DOCK8: variants seen among roughly 807,000 people sequenced by gnomAD.
The protein encoded by DOCK8 is dedicator of cytokinesis protein 8.
DOCK8 carries 141 observed loss-of-function variants against 245.6 expected under a neutral mutation model. That is an observed-to-expected ratio of 0.57 (90% CI 0.50 to 0.66). The LOEUF (loss-of-function observed/expected upper bound fraction) is 0.66. Among genes scored for constraint, DOCK8 ranks in the 30% least tolerant of loss-of-function variants. DOCK8 has a pLI of 0.00. For missense variants in DOCK8, 2,965 were observed against 2,603.4 expected, an observed-to-expected ratio of 1.14 and a Z score of -3.02; for synonymous variants, 1,168 against 970.2, an observed-to-expected ratio of 1.20 and a Z score of -3.79.
rs538727908 is a variant in DOCK8, at chr9:219,946, A to C, written c.53+4917A>C. Among the ~76,000 whole-genome samples the C allele has an allele frequency of 3.3e-5, 5 of 152,342 alleles. No individual in the cohort carries two copies. In the South Asian group the frequency reaches 1.0e-3, roughly 32 times the overall value. On this transcript the variant is annotated intron_variant, in intron 1 of 47. Coordinates refer to ENST00000432829, the MANE Select transcript of DOCK8 (RefSeq NM_203447.4). ...ATTTTGGGCATAACGACCAGAGCAC[A>C]ATGAGCTACAGAGAGCTTTCTGAGA...
chr9:314,373 AAT>A (rs954219611), intron 6 of DOCK8: 13 of 152,358 alleles, frequency 8.5e-5, no homozygotes, highest in African/African-American at 3.1e-4. Context: ...GGATGCAGAG[AAT>A]ATGTCCAGTG....
chr9:254,309 T>C (rs182066696), intron 1 of DOCK8, among the ~76,000 whole-genome samples: 2 of 152,262 alleles, frequency 1.3e-5, no homozygotes, highest in South Asian at 2.1e-4. Context: ...CTGCAGATAA[T>C]ATGAGGCCAG....
At chr9:215,846 A>ATT (rs1394999772) in intron 1 of DOCK8, 1 of 168,992 alleles carries the variant, frequency 5.9e-6, no homozygotes, top group Admixed American at 6.5e-5. Flanking sequence ...TAATTGGGAC[A>ATT]TTTTTGTCTT....
chr9:254,220 C>A (rs148372316), intron 1 of DOCK8, among the ~76,000 whole-genome samples: 2 of 152,328 alleles, frequency 1.3e-5, no homozygotes, highest in Non-Finnish European at 2.9e-5. Flanking sequence ...CAAGATCTCA[C>A]TGAGATGCAA....
chr9:248,034 G>A (rs2047549112), intron 1 of DOCK8, among the ~76,000 whole-genome samples: 1 of 151,414 alleles, frequency 6.6e-6, no homozygotes, highest in Admixed American at 6.6e-5. Context: ...CAAACTTTGT[G>A]TTGAAACTTT....
intron 26 of DOCK8, among the ~76,000 whole-genome samples, chr9:404,546 G>A (rs993799433): frequency 3.3e-5 from 5 of 152,124 alleles, no homozygotes; most frequent in African/African-American, 1.2e-4. Flanking sequence ...CTCATATGAG[G>A]TCAACTCCTT....
At chr9:308,871 A>C (rs1265174442) in intron 5 of DOCK8, among the ~76,000 whole-genome samples, 1 of 152,112 alleles carries the variant, frequency 6.6e-6, no homozygotes, top group African/African-American at 2.4e-5. Flanking sequence ...GTTAGCCAGG[A>C]TGGTCTTGAT....
At chr9:348,372 A>T (rs1299510993) in intron 14 of DOCK8, among the ~76,000 whole-genome samples, 1 of 152,206 alleles carries the variant, frequency 6.6e-6, no homozygotes, top group Non-Finnish European at 1.5e-5. Flanking sequence ...TCCACCGTTC[A>T]CAACTCCATA....
At chr9:379,728 A>G (rs1417879308) in intron 20 of DOCK8, 43 bp from the exon 21 acceptor site, 2 of 1,611,270 alleles carry the variant, frequency 1.2e-6, no homozygotes, top group African/African-American at 2.7e-5. Context: ...AGGCTCCTTA[A>G]GGACCAGCTG....
At position 342,996 on chromosome 9, in the gene DOCK8, T is replaced by C. The variant is rs539763320; in HGVS notation, c.1679+2675T>C. On this transcript the variant is annotated intron_variant, in intron 14 of 47. Transcript: ENST00000432829. The stretch of plus-strand genomic sequence containing the variant: ...TAATACACATTTCAGTCTTAAGTTT[T>C]CTAAAATTTTACATTTGCAGTCCTA... Among the ~76,000 whole-genome samples, 6 of 152,300 alleles carry C rather than the reference T, an allele frequency of 3.9e-5. No individual in the cohort carries two copies. The East Asian group carries it at 1.2e-3, about 29-fold the overall frequency.
At chr9:409,111 T>C (rs2055585518) in intron 28 of DOCK8, among the ~76,000 whole-genome samples, 1 of 152,176 alleles carries the variant, frequency 6.6e-6, no homozygotes, top group Non-Finnish European at 1.5e-5. Flanking sequence ...ACTTCCTTTT[T>C]TTTTTTCTTT....
intron 1 of DOCK8, among the ~76,000 whole-genome samples, chr9:222,842 G>T (rs1343439127): frequency 1.3e-5 from 2 of 152,150 alleles, no homozygotes; most frequent in African/African-American, 2.4e-5. Context: ...TTTAAACTGT[G>T]CTTTTTACTT....
At chr9:265,697 T>C (rs1198616998) in intron 1 of DOCK8, among the ~76,000 whole-genome samples, 2 of 152,146 alleles carry the variant, frequency 1.3e-5, no homozygotes, top group Non-Finnish European at 1.5e-5. Context: ...AGAATTTTCC[T>C]TGAGGGTCAA....
At chr9:459,377 T>A (rs2057734597) in intron 46 of DOCK8, among the ~76,000 whole-genome samples, 1 of 152,226 alleles carries the variant, frequency 6.6e-6, no homozygotes, top group South Asian at 2.1e-4. Flanking sequence ...CATAAAGTAA[T>A]ATTACTACAT....
chr9:332,444 C>T lies in DOCK8; in HGVS notation c.1091C>T (p.Pro364Leu). ...GGAGAGATTGGAGACTGTGCAGAGC[C>T]CTACACGGTTATCAAAGAAAGTGAT... Reference protein sequence around the residue: ...QQGEIGDCAEPYTVIKESDGG... With the variant: ...QQGEIGDCAELYTVIKESDGG... Residue 364 changes from proline (P) to leucine (L), a missense_variant, in exon 10 of 48, where the codon CCC becomes CTC. Pro to Leu is a moderately conservative substitution (Grantham distance 98, BLOSUM62 -3). This residue lies in a region of DOCK8 where 2,825 missense variants were observed against 2,453.5 expected (regional missense o/e 1.15). Coordinates refer to ENST00000432829, the MANE Select transcript of DOCK8 (RefSeq NM_203447.4). The T allele has an allele frequency of 6.2e-7, 1 of 1,613,028 alleles. No homozygotes were observed. Among genetic ancestry groups the T allele is most frequent in the Non-Finnish European group, 8.5e-7 (1 of 1,179,436 alleles).
Position 452,122 on chromosome 9 carries a change from G to A in DOCK8, c.6068+5G>A. 1 of 1,587,042 alleles carries A rather than the reference G, an allele frequency of 6.3e-7. No homozygotes were observed. ...CTTTAAGGAATTCATCATGAGGTAA[G>A]AAGGAAAATGGCTGGGAATTTCAGT... On this transcript the variant is annotated splice_donor_5th_base_variant and intron_variant, in intron 46 of 47. Coordinates refer to ENST00000432829, the MANE Select transcript of DOCK8 (RefSeq NM_203447.4).
At chr9:299,071 T>C (rs1434409002) in intron 4 of DOCK8, among the ~76,000 whole-genome samples, 2 of 152,196 alleles carry the variant, frequency 1.3e-5, no homozygotes, top group African/African-American at 4.8e-5. Flanking sequence ...TTATTTGGGG[T>C]AGCATAATTT....
intron 26 of DOCK8, among the ~76,000 whole-genome samples, chr9:400,151 TCAC>T (rs1181384218): frequency 0.18 from 2,095 of 11,766 alleles, 257 homozygotes; most frequent in Non-Finnish European, 0.23. Flanking sequence ...ACCTCCACCA[TCAC>T]CACCACCACC....
intron 14 of DOCK8, among the ~76,000 whole-genome samples, chr9:350,085 T>C (rs1187625936): frequency 6.6e-6 from 1 of 152,168 alleles, no homozygotes; most frequent in Non-Finnish European, 1.5e-5. Context: ...CATCGCAAAC[T>C]TGGAGTTCTG....
Sources: allele counts gnomAD v4.1 joint callset (sites outside exome capture counted in the v4.1 genomes callset), GRCh38; gene constraint gnomAD v4.1.1; regional missense constraint gnomAD v4.1.1; transcripts MANE v1.5; gene names NCBI Gene and HGNC (gene_info 2026-07-23, HGNC 2026-07-21).